Variants in LRRC4C observed in about 807,000 individuals in gnomAD.
LRRC4C encodes the protein leucine rich repeat containing 4C.
Under a neutral mutation model 33.6 loss-of-function variants are expected in LRRC4C, and 5 were observed. That is an observed-to-expected ratio of 0.15 (90% CI 0.08 to 0.31). The LOEUF (loss-of-function observed/expected upper bound fraction) is 0.31, where lower values mean the gene tolerates loss of function less well. Among genes scored for constraint, LRRC4C ranks in the 10% least tolerant of loss-of-function variants. The pLI, the probability that LRRC4C is intolerant of heterozygous loss-of-function variation, is 1.00. For synonymous variants in LRRC4C, 329 were observed against 302.0 expected, an observed-to-expected ratio of 1.09 and a Z score of -0.93; for missense variants, 560 against 796.7, an observed-to-expected ratio of 0.70 and a Z score of 3.58.
chr11:40,322,629 G>C lies in LRRC4C; in HGVS notation c.-269-2908C>G, dbSNP rs1412810319. ...GGGAGCATAGGTTGCAGAAGACCTTGGAGTCAGACAATCTAAGGTCAGCAG... is the reference window on the plus strand; with the variant it reads ...GGGAGCATAGGTTGCAGAAGACCTTCGAGTCAGACAATCTAAGGTCAGCAG... On this transcript the variant is annotated intron_variant, in intron 3 of 6. Coordinates refer to ENST00000528697, the MANE Select transcript of LRRC4C (RefSeq NM_001258419.2). Among the ~76,000 whole-genome samples, 23 of 152,130 alleles carry C rather than the reference G, an allele frequency of 1.5e-4. 1 individual carries two copies. The highest frequency in any genetic ancestry group is 8.3e-4 in the South Asian group (4 of 4,818).
chr11:40,701,236 T>G (rs1293350269), intron 2 of LRRC4C, among the ~76,000 whole-genome samples: 1 of 152,154 alleles, frequency 6.6e-6, no homozygotes, highest in Non-Finnish European at 1.5e-5. Context: ...TGCACTGCTG[T>G]CATGTTTCCT....
At chr11:41,110,643 A>G (rs1310377215) in intron 1 of LRRC4C, among the ~76,000 whole-genome samples, 3 of 152,020 alleles carry the variant, frequency 2.0e-5, no homozygotes, top group African/African-American at 7.2e-5. Context: ...TTTTATTGTT[A>G]CGTTTTGCAA....
intron 1 of LRRC4C, among the ~76,000 whole-genome samples, chr11:41,187,490 G>A (rs911116260): frequency 6.6e-6 from 1 of 152,026 alleles, no homozygotes; most frequent in Non-Finnish European, 1.5e-5. Flanking sequence ...CAACTCCAGG[G>A]GAAAACCACC....
rs965569249 is a variant in LRRC4C, at chr11:40,562,624, G to A, written c.-270+85518C>T. Reference sequence around the variant, plus strand: ...CTAATCTATTCTATTCGAGACTAGAGCTGATGCTTCTCTTTTTTTCATTAT... The same window carrying A: ...CTAATCTATTCTATTCGAGACTAGAACTGATGCTTCTCTTTTTTTCATTAT... On this transcript the variant is annotated intron_variant, in intron 3 of 6. Transcript: ENST00000528697. Among the ~76,000 whole-genome samples the A allele has an allele frequency of 2.6e-5, 4 of 152,148 alleles. 1 individual carries two copies. The highest frequency in any genetic ancestry group is 7.2e-5 in the African/African-American group (3 of 41,422).
chr11:40,475,291 G>GT (rs1565426286), intron 3 of LRRC4C, among the ~76,000 whole-genome samples: 1 of 152,064 alleles, frequency 6.6e-6, no homozygotes, highest in South Asian at 2.1e-4. Flanking sequence ...AAAAGTTCAT[G>GT]TTTTTTGCAG....
intron 5 of LRRC4C, among the ~76,000 whole-genome samples, chr11:40,223,576 G>C (rs1453101468): frequency 3.3e-5 from 5 of 152,164 alleles, no homozygotes; most frequent in Non-Finnish European, 5.9e-5. Flanking sequence ...TCCTTAAGAA[G>C]AGACCAACCA....
At chr11:41,202,816 C>T (rs540344162) in intron 1 of LRRC4C, among the ~76,000 whole-genome samples, 132 of 150,894 alleles carry the variant, frequency 8.7e-4, no homozygotes, top group Non-Finnish European at 1.6e-3. Flanking sequence ...GACACAGTCT[C>T]GCTCTTTCAC....
In LRRC4C at chr11:40,800,710, A is replaced by C. The variant is rs368291254; in HGVS notation, c.-407+132925T>G. ...TTGCCACTATACCACACTGAATGCC[A>C]CTCTATTTTAATACAAAGATCATCT... On this transcript the variant is annotated intron_variant, in intron 2 of 6. Coordinates refer to ENST00000528697, the MANE Select transcript of LRRC4C (RefSeq NM_001258419.2). Among the ~76,000 whole-genome samples, 5 of 151,916 alleles carry C rather than the reference A, an allele frequency of 3.3e-5. No homozygotes were observed. In the South Asian group the frequency reaches 6.2e-4, roughly 19 times the overall value.
chr11:41,298,504 G>A (rs548070508), intron 1 of LRRC4C, among the ~76,000 whole-genome samples: 3 of 152,062 alleles, frequency 2.0e-5, no homozygotes, highest in Admixed American at 2.0e-4. Context: ...ATGGATATGG[G>A]CAACAGGCAG....
chr11:40,198,995 C>A (rs549109223), intron 5 of LRRC4C, among the ~76,000 whole-genome samples: 1 of 152,166 alleles, frequency 6.6e-6, no homozygotes, highest in African/African-American at 2.4e-5. Context: ...GAGGCAGGAG[C>A]ACGCCTGACA....
intron 1 of LRRC4C, among the ~76,000 whole-genome samples, chr11:41,320,589 A>G (rs1950928803): frequency 1.3e-5 from 2 of 152,188 alleles, no homozygotes; most frequent in East Asian, 3.9e-4. Context: ...CTCTTTTCCC[A>G]AATCAGTTCG....
chr11:40,286,310 A>G (rs971903818), intron 4 of LRRC4C, among the ~76,000 whole-genome samples: 7 of 152,176 alleles, frequency 4.6e-5, no homozygotes, highest in African/African-American at 1.7e-4. Flanking sequence ...GGTAACTGAC[A>G]CCACCAGAAG....
rs561989508 is a variant in LRRC4C at position 40,683,519 on chromosome 11, T to A, written c.-406-35241A>T. ...ATGATGGATTTAAAAATTGTCATTT[T>A]AAAATTAATAACTGATATAAAAAAA... On this transcript the variant is annotated intron_variant, in intron 2 of 6. Transcript: ENST00000528697. Among the ~76,000 whole-genome samples, 7 of 150,828 alleles carry A rather than the reference T, an allele frequency of 4.6e-5. No individual in the cohort carries two copies. In the South Asian group the frequency reaches 1.5e-3, roughly 31 times the overall value.
intron 5 of LRRC4C, among the ~76,000 whole-genome samples, chr11:40,197,137 T>C (rs1590680905): frequency 6.6e-6 from 1 of 152,326 alleles, no homozygotes; most frequent in Non-Finnish European, 1.5e-5. Flanking sequence ...GCTATAGGAT[T>C]GATTGAGAAG....
intron 3 of LRRC4C, among the ~76,000 whole-genome samples, chr11:40,610,832 G>A (rs949973856): frequency 1.3e-5 from 2 of 151,638 alleles, no homozygotes; most frequent in Non-Finnish European, 1.5e-5. Context: ...TAAAAGACTT[G>A]TACACTGAAA....
In LRRC4C at chr11:40,572,773, A is replaced by C. The variant is rs1015758947; in HGVS notation, c.-270+75369T>G. ...GTCACACAGTGAGGGGACTCATAGA[A>C]GGCTTGACTTTAGCATAAGAGTTTG... On this transcript the variant is annotated intron_variant, in intron 3 of 6. Coordinates refer to ENST00000528697, the MANE Select transcript of LRRC4C (RefSeq NM_001258419.2). 3.3e-5 allele frequency among the ~76,000 whole-genome samples: 5 copies of C among 152,240 alleles called. No homozygotes were observed. In the East Asian group the frequency reaches 9.6e-4, roughly 29 times the overall value.
At chr11:40,921,685 A>G (rs543338795) in intron 2 of LRRC4C, among the ~76,000 whole-genome samples, 26 of 152,326 alleles carry the variant, frequency 1.7e-4, no homozygotes, top group African/African-American at 5.1e-4. Flanking sequence ...ACCTGCATAC[A>G]ATGTATAATA....
chr11:40,715,280 T>C (rs1338347566), intron 2 of LRRC4C, among the ~76,000 whole-genome samples: 1 of 152,122 alleles, frequency 6.6e-6, no homozygotes, highest in African/African-American at 2.4e-5. Context: ...AAAACCCAAA[T>C]AGAAACCTTA....
intron 5 of LRRC4C, among the ~76,000 whole-genome samples, chr11:40,158,039 T>A (rs897843863): frequency 6.6e-5 from 10 of 152,116 alleles, no homozygotes; most frequent in African/African-American, 2.4e-4. Context: ...AATGAGTGGA[T>A]AAAGAAACTG....
Sources: allele counts gnomAD v4.1 joint callset (sites outside exome capture counted in the v4.1 genomes callset), GRCh38; gene constraint gnomAD v4.1.1; transcripts MANE v1.5; gene names NCBI Gene and HGNC (gene_info 2026-07-23, HGNC 2026-07-21).